Variants in TNS3 observed in about 807,000 individuals in gnomAD.
TNS3 encodes the protein tensin 3.
TNS3 carries 45 observed loss-of-function variants against 140.9 expected under a neutral mutation model. That is an observed-to-expected ratio of 0.32 (90% confidence interval 0.25 to 0.41). The LOEUF (loss-of-function observed/expected upper bound fraction) is 0.41, where lower values mean the gene tolerates loss of function less well. Among genes scored for constraint, TNS3 ranks in the 10% least tolerant of loss-of-function variants. The pLI is 1.00. For missense variants in TNS3, 1,716 were observed against 1,906.7 expected, an observed-to-expected ratio of 0.90 and a Z score of 1.86; for synonymous variants, 815 against 788.4, an observed-to-expected ratio of 1.03 and a Z score of -0.56.
intron 10 of TNS3, among the ~76,000 whole-genome samples, chr7:47,416,107 G>C (rs1229488903): frequency 6.6e-6 from 1 of 152,226 alleles, no homozygotes; most frequent in Non-Finnish European, 1.5e-5. Flanking sequence ...ACCTTGCATG[G>C]AATCTGTGTT....
chr7:47,443,118 C>G (rs1799379), intron 4 of TNS3, among the ~76,000 whole-genome samples: 1 of 152,038 alleles, frequency 6.6e-6, no homozygotes, highest in African/African-American at 2.4e-5. Context: ...ACCAAGGTGC[C>G]GGTGAGCTCA....
intron 1 of TNS3, among the ~76,000 whole-genome samples, chr7:47,548,257 T>C (rs1197605637): frequency 6.6e-6 from 1 of 152,148 alleles, no homozygotes; most frequent in African/African-American, 2.4e-5. Flanking sequence ...CCCAGTGGCA[T>C]ACAGCCTGCT....
At chr7:47,448,545 T>C (rs540146651) in intron 4 of TNS3, among the ~76,000 whole-genome samples, 49 of 148,760 alleles carry the variant, frequency 3.3e-4, no homozygotes, top group Non-Finnish European at 5.6e-4. Flanking sequence ...AGTGGCACGA[T>C]CTCGGCTCAC....
intron 13 of TNS3, among the ~76,000 whole-genome samples, chr7:47,402,304 C>A (rs569093688): frequency 6.6e-6 from 1 of 152,244 alleles, no homozygotes; most frequent in African/African-American, 2.4e-5. Flanking sequence ...CTCCCTTGTA[C>A]GGCCTGGCGC....
At chr7:47,278,879 C>G (rs1784994793) in intron 30 of TNS3, 1 of 152,192 alleles carries the variant, frequency 6.6e-6, no homozygotes, top group South Asian at 2.1e-4. Flanking sequence ...ATGACCATAT[C>G]CCTATCCAGG....
At chr7:47,364,867 T>C (rs1790602048) in intron 17 of TNS3, among the ~76,000 whole-genome samples, 1 of 152,190 alleles carries the variant, frequency 6.6e-6, no homozygotes, top group Non-Finnish European at 1.5e-5. Context: ...GAAGGTCACT[T>C]CCCAATTTTA....
intron 16 of TNS3, among the ~76,000 whole-genome samples, chr7:47,383,539 A>T (rs1229256446): frequency 6.6e-6 from 1 of 152,198 alleles, no homozygotes; most frequent in East Asian, 1.9e-4. Flanking sequence ...TAGAATGGTA[A>T]ATTTATGTGC....
chr7:47,406,877 T>G (rs1359341022), intron 13 of TNS3, among the ~76,000 whole-genome samples: 4 of 152,074 alleles, frequency 2.6e-5, no homozygotes, highest in African/African-American at 9.7e-5. Flanking sequence ...AGGGAAAAAC[T>G]GAAGGAAGGG....
chr7:47,342,148 C>T (rs545082811), intron 20 of TNS3, among the ~76,000 whole-genome samples: 24 of 152,238 alleles, frequency 1.6e-4, no homozygotes, highest in African/African-American at 5.5e-4. Flanking sequence ...TAAGGCCTAC[C>T]GGGTCCCTTG....
intron 6 of TNS3, among the ~76,000 whole-genome samples, chr7:47,437,786 G>A (rs1156603115): frequency 1.7e-4 from 15 of 88,188 alleles, no homozygotes; most frequent in South Asian, 7.8e-4. Context: ...ACACACACAC[G>A]TATAAAATAT....
At chr7:47,415,239 G>C (rs747902110) in intron 10 of TNS3, 33 bp from the exon 11 acceptor site, 2 of 1,509,024 alleles carry the variant, frequency 1.3e-6, no homozygotes, top group African/African-American at 2.8e-5. Flanking sequence ...ACACTTCCCA[G>C]AAGTGTCTTC....
chr7:47,346,101 C>T, intron 18 of TNS3, 86 bp downstream of exon 18: 2 of 1,538,474 alleles, frequency 1.3e-6, no homozygotes, highest in African/African-American at 1.4e-5. Flanking sequence ...GGGACAAGGC[C>T]TGGTCATTGC....
At chr7:47,510,142 A>G (rs79036120) in intron 2 of TNS3, among the ~76,000 whole-genome samples, 3,442 of 152,258 alleles carry the variant, frequency 0.023, 133 homozygotes, top group African/African-American at 0.078. Flanking sequence ...CTGTGTCCCA[A>G]TCTTGACCTG....
chr7:47,531,745 A>C (rs1026313767), intron 1 of TNS3, among the ~76,000 whole-genome samples: 2 of 152,158 alleles, frequency 1.3e-5, no homozygotes, highest in Non-Finnish European at 2.9e-5. Context: ...CTGGGGCTGC[A>C]CTCTCCATGG....
At chr7:47,319,607 G>A (rs1300928526) in intron 20 of TNS3, among the ~76,000 whole-genome samples, 1 of 151,428 alleles carries the variant, frequency 6.6e-6, no homozygotes, top group Non-Finnish European at 1.5e-5. Flanking sequence ...AATCACATAA[G>A]GCCCAGGGGG....
At chr7:47,519,217 T>C (rs982340710) in intron 2 of TNS3, among the ~76,000 whole-genome samples, 1 of 152,022 alleles carries the variant, frequency 6.6e-6, no homozygotes, top group African/African-American at 2.4e-5. Context: ...TTGTTGTCTC[T>C]TTACCTTGTT....
intron 20 of TNS3, among the ~76,000 whole-genome samples, chr7:47,309,999 T>C (rs1243503673): frequency 6.6e-6 from 1 of 152,220 alleles, no homozygotes; most frequent in Non-Finnish European, 1.5e-5. Context: ...CCATTTTTCC[T>C]TCTCAGACAT....
chr7:47,500,661 AG>A (rs1425639180), intron 3 of TNS3, among the ~76,000 whole-genome samples: 1 of 152,228 alleles, frequency 6.6e-6, no homozygotes, highest in Non-Finnish European at 1.5e-5. Context: ...CTGAGTTCAG[AG>A]GGAGTAACCA....
In TNS3 at chr7:47,278,095, C is replaced by G; in HGVS notation, c.4319G>C (p.Gly1440Ala). The change falls in exon 31 of 31, where the codon GGT becomes GCT. Residue 1440 changes from glycine to alanine, a missense_variant. Coordinates refer to ENST00000311160, the MANE Select transcript of TNS3 (RefSeq NM_022748.12). ...GAGTTCTCAGACCTTCTTTGGGGAA[C>G]CAATCATGACCTTTGATACGAAGTT... Reference protein sequence around the residue: ...IVNFVSKVMIGSPKKV With the variant: ...IVNFVSKVMIASPKKV The G allele has an allele frequency of 6.2e-7, 1 of 1,614,082 alleles. No individual in the cohort carries two copies. The highest frequency in any genetic ancestry group is 1.1e-5 in the South Asian group (1 of 91,060).
Sources: allele counts gnomAD v4.1 joint callset (sites outside exome capture counted in the v4.1 genomes callset), GRCh38; gene constraint gnomAD v4.1.1; transcripts MANE v1.5; gene names NCBI Gene and HGNC (gene_info 2026-07-23, HGNC 2026-07-21).